FRMPD4: variants seen among roughly 807,000 people sequenced by gnomAD.
FRMPD4 encodes the protein FERM and PDZ domain containing 4.
In FRMPD4, 22 loss-of-function variants were observed where a neutral mutation model predicts 94.1. The ratio of observed to expected loss-of-function variants is 0.23; its 90% CI spans 0.17 to 0.33. The LOEUF (loss-of-function observed/expected upper bound fraction) is 0.33, where lower values mean the gene tolerates loss of function less well. FRMPD4 is among the 10% of genes least tolerant of loss of function. The pLI is 1.00. For missense variants in FRMPD4, 1,111 were observed against 1,339.9 expected, an observed-to-expected ratio of 0.83 and a Z score of 2.67; for synonymous variants, 631 against 548.6, an observed-to-expected ratio of 1.15 and a Z score of -2.10.
intron 1 of FRMPD4, among the ~76,000 whole-genome samples, chrX:12,481,647 AAAGT>A (rs1315842290): frequency 9.1e-6 from 1 of 110,254 alleles, no homozygotes; most frequent in East Asian, 2.8e-4. Flanking sequence ...TAGAGAAAAG[AAAGT>A]GTTATTGGGG....
At chrX:12,407,302 A>T (rs1029756387) in intron 1 of FRMPD4, among the ~76,000 whole-genome samples, 1 of 112,035 alleles carries the variant, frequency 8.9e-6, no homozygotes, top group South Asian at 3.7e-4. Context: ...TATGACATCA[A>T]TTGTGCTTGA....
intron 1 of FRMPD4, among the ~76,000 whole-genome samples, chrX:12,172,300 A>G (rs1281251125): frequency 9.0e-6 from 1 of 110,560 alleles, no homozygotes; most frequent in African/African-American, 3.3e-5. Context: ...TTTAGAAACT[A>G]AGAACTCATG....
chrX:11,956,524 G>C (rs1238874602), intron 3 of FRMPD4, among the ~76,000 whole-genome samples: 3 of 111,796 alleles, frequency 2.7e-5, no homozygotes, highest in Non-Finnish European at 5.6e-5. Context: ...ATCCTTAGTA[G>C]ATTCGGGATC....
chrX:12,291,995 G>A (rs970941830), intron 1 of FRMPD4, among the ~76,000 whole-genome samples: 1 of 112,073 alleles, frequency 8.9e-6, no homozygotes, highest in African/African-American at 3.2e-5. Flanking sequence ...ATAGGCCTGT[G>A]CTTGGCAAAT....
intron 1 of FRMPD4, among the ~76,000 whole-genome samples, chrX:12,489,576 G>A (rs2057772522): frequency 8.9e-6 from 1 of 112,012 alleles, no homozygotes; most frequent in African/African-American, 3.2e-5. Flanking sequence ...AGGCCATTTG[G>A]CAGATTCAAC....
At chrX:11,951,060 A>AG (rs1491528304) in intron 3 of FRMPD4, among the ~76,000 whole-genome samples, 1 of 47,052 alleles carries the variant, frequency 2.1e-5, no homozygotes, top group Non-Finnish European at 4.6e-5. Context: ...ACTCCATCTC[A>AG]AAAAAAAAAA....
chrX:12,049,411 A>G, intron 3 of FRMPD4, among the ~76,000 whole-genome samples: 1 of 111,331 alleles, frequency 9.0e-6, no homozygotes, highest in Middle Eastern at 4.6e-3. Flanking sequence ...TTTCCTAGGT[A>G]TAGAGTCATA....
intron 3 of FRMPD4, among the ~76,000 whole-genome samples, chrX:12,028,464 A>G (rs1432163027): frequency 2.7e-5 from 3 of 110,698 alleles, no homozygotes; most frequent in African/African-American, 9.9e-5. Context: ...GTTACAATTC[A>G]TGAACCTACA....
chrX:12,682,238 T>C (rs1161717015), intron 5 of FRMPD4, among the ~76,000 whole-genome samples: 1 of 112,646 alleles, frequency 8.9e-6, no homozygotes, highest in African/African-American at 3.2e-5. Flanking sequence ...ATCTTAAGTA[T>C]ACTTGTATTT....
Position 11,987,112 on chromosome X carries a change from A to C in FRMPD4, c.95+109094A>C, listed in dbSNP as rs1383967802. On this transcript the variant is annotated intron_variant, in intron 3 of 18. Transcript: ENST00000640291. ...CAAAGACACATTAAAAAAAAAAAAA[A>C]AAAAAAAAAAAAAAAAACAACTACA... Among the ~76,000 whole-genome samples, 9 of 86,613 alleles carry C rather than the reference A, an allele frequency of 1.0e-4. No homozygotes were observed. In the East Asian group the frequency reaches 4.2e-3, roughly 40 times the overall value. The allele number at this position is 86,613 out of a possible 115,157, so 75.2% of individuals were successfully genotyped here. A position where few individuals can be genotyped will look rare whatever the true frequency, so the allele number is the denominator to read the frequency against.
intron 1 of FRMPD4, among the ~76,000 whole-genome samples, chrX:11,829,224 C>G (rs5935168): frequency 0.037 from 4,174 of 111,705 alleles, 122 homozygotes; most frequent in African/African-American, 0.097. Context: ...TTTGGGTACC[C>G]CATGGCCCAG....
chrX:12,405,369 AC>A (rs1349711760), intron 1 of FRMPD4, among the ~76,000 whole-genome samples: 4 of 111,209 alleles, frequency 3.6e-5, no homozygotes, highest in Non-Finnish European at 7.6e-5. Flanking sequence ...TAAATTCTGA[AC>A]TTTTTTTTTT....
In FRMPD4 at chrX:11,935,269, G is replaced by GTTTTTTTTTT. The variant is rs1234166611; in HGVS notation, c.95+57269_95+57278dup. The stretch of plus-strand genomic sequence containing the variant: ...TTGTTGTTTTTTTTTTTTTTAATGT[G>GTTTTTTTTTT]TTTTTTTTTTTTTTTTTTTTTTTTT... On this transcript the variant is annotated intron_variant, in intron 3 of 18. Coordinates refer to the FRMPD4 transcript ENST00000640291. 4.4e-3 allele frequency among the ~76,000 whole-genome samples: 22 copies of GTTTTTTTTTT among 5,010 alleles called. 8 individuals are homozygous for GTTTTTTTTTT. The highest frequency in any genetic ancestry group is 5.4e-3 in the Non-Finnish European group (16 of 2,947). 4.4% of individuals were successfully genotyped at this position (5,010 alleles called of 115,157 possible).
At chrX:11,852,468 GA>G (rs968265178) in intron 1 of FRMPD4, among the ~76,000 whole-genome samples, 18 of 100,653 alleles carry the variant, frequency 1.8e-4, no homozygotes, top group African/African-American at 3.7e-4. Context: ...AAAAGAAAAA[GA>G]AAAAAAAGAA....
At chrX:11,990,432 T>C (rs2054457652) in intron 3 of FRMPD4, among the ~76,000 whole-genome samples, 1 of 112,179 alleles carries the variant, frequency 8.9e-6, no homozygotes, top group South Asian at 3.7e-4. Flanking sequence ...ACTTGTTTAC[T>C]TTAAAATGGC....
At chrX:12,264,119 C>A (rs1197685604) in intron 1 of FRMPD4, among the ~76,000 whole-genome samples, 2 of 111,309 alleles carry the variant, frequency 1.8e-5, no homozygotes, top group Non-Finnish European at 1.9e-5. Flanking sequence ...GACTCTTGAG[C>A]CTTTGTTCTG....
chrX:11,834,197 A>G (rs1031139740), intron 1 of FRMPD4, among the ~76,000 whole-genome samples: 16 of 111,764 alleles, frequency 1.4e-4, no homozygotes, highest in African/African-American at 3.6e-4. Context: ...AGACCACTTA[A>G]GTTATATTTG....
At chrX:11,865,221 G>A (rs1454104547) in intron 2 of FRMPD4, among the ~76,000 whole-genome samples, 1 of 112,043 alleles carries the variant, frequency 8.9e-6, no homozygotes, top group Non-Finnish European at 1.9e-5. Flanking sequence ...ATACAGGTAA[G>A]TGGTTATATT....
intron 3 of FRMPD4, among the ~76,000 whole-genome samples, chrX:12,119,696 A>T: frequency 8.9e-6 from 1 of 112,784 alleles, no homozygotes; most frequent in East Asian, 2.8e-4. Context: ...CGAAGCAGGG[A>T]TATATTCAAT....
Sources: allele counts gnomAD v4.1 joint callset (sites outside exome capture counted in the v4.1 genomes callset), GRCh38; gene constraint gnomAD v4.1.1; transcripts MANE v1.5; gene names NCBI Gene and HGNC (gene_info 2026-07-23, HGNC 2026-07-21).